Variants in DCDC2 observed in about 807,000 individuals in gnomAD.
The protein encoded by DCDC2 is doublecortin domain containing 2.
Under a neutral mutation model 50.2 loss-of-function variants are expected in DCDC2, and 40 were observed. That is an observed-to-expected ratio of 0.80 (90% CI 0.62 to 1.04). DCDC2 has a LOEUF of 1.04. DCDC2 is among the 50% of genes least tolerant of loss of function. The pLI is 0.00. For synonymous variants in DCDC2, 234 were observed against 210.6 expected (o/e 1.11, Z -0.96); for missense variants, 570 against 581.9 (o/e 0.98, Z 0.21).
intron 7 of DCDC2, among the ~76,000 whole-genome samples, chr6:24,208,878 T>G (rs2113764806): frequency 6.6e-6 from 1 of 152,322 alleles, no homozygotes; most frequent in East Asian, 1.9e-4. Context: ...ATACAAAGCA[T>G]TATATAAACA....
intron 4 of DCDC2, among the ~76,000 whole-genome samples, chr6:24,297,832 TGG>T (rs1455782612): frequency 1.4e-3 from 215 of 152,296 alleles, no homozygotes; most frequent in African/African-American, 4.9e-3. Context: ...CTTATAATCT[TGG>T]AGTAAGGAAG....
chr6:24,360,194 C>G (rs184191949), upstream of DCDC2, among the ~76,000 whole-genome samples: 1 of 152,232 alleles, frequency 6.6e-6, no homozygotes, highest in Non-Finnish European at 1.5e-5. Flanking sequence ...AGTCAGTGAA[C>G]CAGGCCTGGC....
intron 2 of DCDC2, among the ~76,000 whole-genome samples, chr6:24,338,024 G>A (rs944347329): frequency 5.3e-5 from 8 of 152,000 alleles, no homozygotes; most frequent in African/African-American, 1.7e-4. Flanking sequence ...CTTAGGAAAC[G>A]CTTCCTTCTG....
chr6:24,370,074 T>C, the DCDC2 span, among the ~76,000 whole-genome samples: 1 of 151,952 alleles, frequency 6.6e-6, no homozygotes, highest in African/African-American at 2.4e-5. Context: ...ATTAGGTCAT[T>C]AATCACAATA....
intron 8 of DCDC2, among the ~76,000 whole-genome samples, chr6:24,198,005 T>G (rs1761483742): frequency 6.6e-6 from 1 of 152,188 alleles, no homozygotes; most frequent in African/African-American, 2.4e-5. Context: ...TATAAGCACA[T>G]GTGAGTACGT....
At chr6:24,336,746 C>T (rs185176984) in intron 2 of DCDC2, among the ~76,000 whole-genome samples, 150 of 151,554 alleles carry the variant, frequency 9.9e-4, no homozygotes, top group African/African-American at 3.5e-3. Context: ...TTCCAAATAC[C>T]CAGTCTTCAA....
At chr6:24,183,975 C>A (rs115341158) in intron 8 of DCDC2, among the ~76,000 whole-genome samples, 1 of 152,144 alleles carries the variant, frequency 6.6e-6, no homozygotes, top group Non-Finnish European at 1.5e-5. Flanking sequence ...GGCTGAGCAC[C>A]GCTCTGTGCC....
At chr6:24,303,537 A>T (rs868329747) in intron 2 of DCDC2, among the ~76,000 whole-genome samples, 4 of 152,104 alleles carry the variant, frequency 2.6e-5, no homozygotes, top group African/African-American at 7.2e-5. Flanking sequence ...TTCCCTGCTC[A>T]TTCTTCTTGC....
At chr6:24,244,409 C>G (rs1302718223) in intron 7 of DCDC2, among the ~76,000 whole-genome samples, 4 of 152,170 alleles carry the variant, frequency 2.6e-5, no homozygotes, top group Non-Finnish European at 5.9e-5. Context: ...TGCAAAATTA[C>G]CTGAGATGGG....
At position 24,172,283 on chromosome 6, in the gene DCDC2, A is replaced by G. The variant is rs1405020685; in HGVS notation, c.*2447T>C. On this transcript the variant is annotated 3_prime_UTR_variant, in exon 10 of 10. Coordinates refer to ENST00000378454, the MANE Select transcript of DCDC2 (RefSeq NM_016356.5). ...TGATAAGTCGTTATTCATCCCCTCAAAGTAGGTCACAATTGTATCTTGTCA... is the reference window on the plus strand; with the variant it reads ...TGATAAGTCGTTATTCATCCCCTCAGAGTAGGTCACAATTGTATCTTGTCA... 6.6e-6 allele frequency: 1 copy of G among 152,164 alleles called. No individual in the cohort carries two copies. Among genetic ancestry groups the G allele is most frequent in the African/African-American group, 2.4e-5 (1 of 41,432 alleles). 9.4% of individuals were successfully genotyped at this position (152,164 alleles called of 1,614,324 possible).
chr6:24,318,462 G>C (rs1173182187), intron 2 of DCDC2, among the ~76,000 whole-genome samples: 2 of 151,920 alleles, frequency 1.3e-5, no homozygotes, highest in African/African-American at 2.4e-5. Flanking sequence ...CGGATATATT[G>C]CATAGTGGTG....
At chr6:24,335,811 G>A (rs1217252095) in intron 2 of DCDC2, among the ~76,000 whole-genome samples, 1 of 152,138 alleles carries the variant, frequency 6.6e-6, no homozygotes, top group Non-Finnish European at 1.5e-5. Context: ...GATCTCGTGA[G>A]AACATATTCA....
At chr6:24,236,929 AATCTGGG>A (rs1762452818) in intron 7 of DCDC2, among the ~76,000 whole-genome samples, 3 of 152,056 alleles carry the variant, frequency 2.0e-5, no homozygotes, top group Non-Finnish European at 2.9e-5. Flanking sequence ...GAATCGCTTG[AATCTGGG>A]AGGCGGAGGT....
At chr6:24,320,979 A>G (rs931318212) in intron 2 of DCDC2, among the ~76,000 whole-genome samples, 5 of 151,820 alleles carry the variant, frequency 3.3e-5, no homozygotes, top group Admixed American at 1.3e-4. Context: ...AAAAAACAGC[A>G]GGGCCATACT....
the DCDC2 span, among the ~76,000 whole-genome samples, chr6:24,364,656 A>G: frequency 6.6e-6 from 1 of 152,208 alleles, no homozygotes; most frequent in East Asian, 1.9e-4. Flanking sequence ...CAAAAGGAAA[A>G]TATATTAAGT....
intron 7 of DCDC2, among the ~76,000 whole-genome samples, chr6:24,229,769 A>T (rs793838): frequency 0.46 from 70,487 of 152,048 alleles, 19,876 homozygotes; most frequent in Non-Finnish European, 0.6. Flanking sequence ...TTATGCTTAC[A>T]TTATTTTATA....
chr6:24,345,383 T>C (rs1300132638), intron 2 of DCDC2, among the ~76,000 whole-genome samples: 1 of 152,174 alleles, frequency 6.6e-6, no homozygotes, highest in East Asian at 1.9e-4. Flanking sequence ...CTTAAGGACA[T>C]TCACCTGAGT....
At chr6:24,270,622 C>T (rs922908905) in intron 7 of DCDC2, among the ~76,000 whole-genome samples, 4 of 152,070 alleles carry the variant, frequency 2.6e-5, no homozygotes, top group African/African-American at 9.7e-5. Context: ...TTTTATATCA[C>T]CCCAGGCCTG....
intron 7 of DCDC2, among the ~76,000 whole-genome samples, chr6:24,207,113 A>G (rs1012085415): frequency 2.0e-5 from 3 of 152,234 alleles, no homozygotes; most frequent in Non-Finnish European, 4.4e-5. Flanking sequence ...TATTTTAAAT[A>G]GTATTTTTGA....
Sources: allele counts gnomAD v4.1 joint callset (sites outside exome capture counted in the v4.1 genomes callset), GRCh38; gene constraint gnomAD v4.1.1; transcripts MANE v1.5; gene names NCBI Gene and HGNC (gene_info 2026-07-23, HGNC 2026-07-21).